NRF1: variants seen among roughly 807,000 people sequenced by gnomAD.
NRF1 encodes nuclear respiratory factor 1.
NRF1 carries 5 observed loss-of-function variants against 58.5 expected under a neutral mutation model. The observed-to-expected ratio is 0.09, with a 90% CI of 0.04 to 0.18. The LOEUF (loss-of-function observed/expected upper bound fraction) is 0.18, where lower values mean the gene tolerates loss of function less well. Ranked by LOEUF, NRF1 falls within the 10% of genes least tolerant of loss-of-function variation. The pLI is 1.00. For missense variants in NRF1, 288 were observed against 657.7 expected (o/e 0.44, Z 6.15); for synonymous variants, 224 against 246.7 (o/e 0.91, Z 0.86).
chr7:129,691,620 G>T (rs994970111), intron 5 of NRF1, among the ~76,000 whole-genome samples: 2 of 151,950 alleles, frequency 1.3e-5, no homozygotes, highest in Non-Finnish European at 2.9e-5. Context: ...CTCCCAAAGT[G>T]CTGGGATTAC....
At chr7:129,724,147 G>T (rs920340157) in intron 9 of NRF1, among the ~76,000 whole-genome samples, 1 of 152,178 alleles carries the variant, frequency 6.6e-6, no homozygotes, top group African/African-American at 2.4e-5. Flanking sequence ...AATTGTATCT[G>T]ATAAGGGATT....
chr7:129,717,831 A>C (rs1803228471), intron 9 of NRF1, among the ~76,000 whole-genome samples: 1 of 152,188 alleles, frequency 6.6e-6, no homozygotes, highest in Admixed American at 6.5e-5. Context: ...TGAGTGCTTC[A>C]TGTTTTCAAG....
chr7:129,673,633 C>T (rs1309840029), intron 3 of NRF1, among the ~76,000 whole-genome samples: 2 of 143,636 alleles, frequency 1.4e-5, no homozygotes, highest in Non-Finnish European at 3.0e-5. Flanking sequence ...AGGAGAATGG[C>T]GTGAACCCGG....
intron 1 of NRF1, among the ~76,000 whole-genome samples, chr7:129,614,427 T>G (rs1800614247): frequency 9.8e-6 from 1 of 101,572 alleles, no homozygotes; most frequent in Non-Finnish European, 2.1e-5. Flanking sequence ...AATAATTTTC[T>G]TATAAAAATA....
intron 8 of NRF1, among the ~76,000 whole-genome samples, chr7:129,716,316 A>G (rs765344289): frequency 3.9e-5 from 6 of 152,122 alleles, no homozygotes; most frequent in Non-Finnish European, 7.3e-5. Context: ...ATAATAAAAG[A>G]GAAAATAGGC....
At chr7:129,728,618 C>T (rs888418962) in intron 10 of NRF1, among the ~76,000 whole-genome samples, 1 of 152,034 alleles carries the variant, frequency 6.6e-6, no homozygotes, top group African/African-American at 2.4e-5. Context: ...GCCTAAGAAC[C>T]GAATGCTCTG....
At chr7:129,719,565 CTAGT>C (rs1327474760) in intron 9 of NRF1, among the ~76,000 whole-genome samples, 1 of 145,884 alleles carries the variant, frequency 6.9e-6, no homozygotes, top group Non-Finnish European at 1.5e-5. Flanking sequence ...TCAGAGTTAC[CTAGT>C]TAGTCCCTAG....
chr7:129,724,244 T>C (rs868626397), intron 9 of NRF1, among the ~76,000 whole-genome samples: 2 of 152,154 alleles, frequency 1.3e-5, no homozygotes, highest in South Asian at 2.1e-4. Flanking sequence ...AATAGACATT[T>C]CTCCAAATTT....
At chr7:129,733,698 T>A (rs981399626) in intron 10 of NRF1, among the ~76,000 whole-genome samples, 1 of 152,218 alleles carries the variant, frequency 6.6e-6, no homozygotes. Context: ...TATATTCTTT[T>A]GATTTTTTTC....
chr7:129,634,951 T>G (rs1641547632), intron 1 of NRF1, among the ~76,000 whole-genome samples: 1 of 152,226 alleles, frequency 6.6e-6, no homozygotes, highest in South Asian at 2.1e-4. Flanking sequence ...TGTTCTTGTT[T>G]GCTTTCTCTT....
intron 1 of NRF1, among the ~76,000 whole-genome samples, chr7:129,635,702 G>A (rs1408413140): frequency 6.6e-6 from 1 of 152,100 alleles, no homozygotes; most frequent in Non-Finnish European, 1.5e-5. Flanking sequence ...TTTAAGTCAG[G>A]ATGCATGCAA....
intron 1 of NRF1, among the ~76,000 whole-genome samples, chr7:129,624,716 T>A (rs1364594859): frequency 3.9e-5 from 6 of 152,154 alleles, no homozygotes; most frequent in Non-Finnish European, 8.8e-5. Context: ...AACGTCTCTG[T>A]GTTGCCCAGG....
intron 1 of NRF1, among the ~76,000 whole-genome samples, chr7:129,656,560 G>GT (rs201090639): frequency 2.0e-3 from 296 of 150,388 alleles, no homozygotes; most frequent in African/African-American, 2.9e-3. Context: ...AGTTTTTTGG[G>GT]TTTTTTTTTG....
At chr7:129,656,760 A>G (rs979762509) in intron 1 of NRF1, among the ~76,000 whole-genome samples, 2 of 152,140 alleles carry the variant, frequency 1.3e-5, no homozygotes, top group African/African-American at 4.8e-5. Context: ...TATTTTTAAT[A>G]GAGACAGGGT....
rs2896420 is a variant in NRF1, at chr7:129,654,011, A to T, written c.-6-3335A>T. On this transcript the variant is annotated intron_variant, in intron 1 of 10. Coordinates refer to ENST00000393232, the MANE Select transcript of NRF1 (RefSeq NM_005011.5). ...CAAAGGCGTGTAATTGCTGGATTGTATGGTAAGAGTATGTTTAATTTTATA... is the reference window on the plus strand; with the variant it reads ...CAAAGGCGTGTAATTGCTGGATTGTTTGGTAAGAGTATGTTTAATTTTATA... 4.8e-4 allele frequency among the ~76,000 whole-genome samples: 73 copies of T among 152,312 alleles called. 1 individual carries two copies. In the South Asian group the frequency reaches 8.9e-3, roughly 19 times the overall value.
intron 1 of NRF1, among the ~76,000 whole-genome samples, chr7:129,639,936 TGAA>T (rs1801252815): frequency 6.6e-6 from 1 of 152,178 alleles, no homozygotes; most frequent in Non-Finnish European, 1.5e-5. Flanking sequence ...TTAATATAGG[TGAA>T]GAAGAACATA....
At chr7:129,636,784 A>G (rs921384757) in intron 1 of NRF1, among the ~76,000 whole-genome samples, 1 of 152,222 alleles carries the variant, frequency 6.6e-6, no homozygotes, top group Non-Finnish European at 1.5e-5. Flanking sequence ...ATGGCTAAAC[A>G]TAAACCTTAG....
At chr7:129,714,736 T>G (rs1159279299) in intron 8 of NRF1, among the ~76,000 whole-genome samples, 1 of 152,208 alleles carries the variant, frequency 6.6e-6, no homozygotes, top group African/African-American at 2.4e-5. Flanking sequence ...CAAAGGAATG[T>G]CTCTTTCTCT....
At chr7:129,640,955 T>C (rs1289430971) in intron 1 of NRF1, among the ~76,000 whole-genome samples, 1 of 152,220 alleles carries the variant, frequency 6.6e-6, no homozygotes, top group East Asian at 1.9e-4. Context: ...TCCAGATTTT[T>C]CAGCCAGTCT....
Sources: allele counts gnomAD v4.1 joint callset (sites outside exome capture counted in the v4.1 genomes callset), GRCh38; gene constraint gnomAD v4.1.1; transcripts MANE v1.5; gene names NCBI Gene and HGNC (gene_info 2026-07-23, HGNC 2026-07-21).